The following EEF2 variants were observed in gnomAD, a reference collection of about 807,000 sequenced individuals.
EEF2 encodes elongation factor 2.
A neutral mutation model predicts 85.3 loss-of-function variants in EEF2; 21 were observed. That is an observed-to-expected ratio of 0.25 (90% CI 0.17 to 0.35). The LOEUF (loss-of-function observed/expected upper bound fraction) is 0.35. EEF2 is among the 10% of genes least tolerant of loss of function. The pLI, the probability that EEF2 is intolerant of heterozygous loss-of-function variation, is 1.00. For missense variants in EEF2, 825 were observed against 1,225.3 expected (o/e 0.67, Z 4.88); for synonymous variants, 723 against 508.8 (o/e 1.42, Z -5.67).
chr19:3,980,488 G>A (rs764197249), intron 9 of EEF2, 26 bp downstream of exon 9: 1 of 1,603,328 alleles, frequency 6.2e-7, no homozygotes, highest in Admixed American at 1.7e-5. Flanking sequence ...AGTGCCAAGG[G>A]GCCTGCACAT....
At chr19:3,983,952 T>C (rs1388937538) in intron 2 of EEF2, 184 bp downstream of exon 2, 4 of 654,942 alleles carry the variant, frequency 6.1e-6, no homozygotes, top group East Asian at 5.6e-5. Context: ...CAGCTCGCAG[T>C]ACCCCGAATC....
intron 7 of EEF2, 152 bp downstream of exon 7, chr19:3,981,187 T>C: frequency 9.7e-7 from 1 of 1,031,348 alleles, no homozygotes; most frequent in African/African-American, 1.6e-5. Context: ...GCTGCTGGGA[T>C]GTGTCTCCAG....
Position 3,981,962 on chromosome 19 carries a change from C to T in EEF2, c.882G>A (p.Leu294=). The change falls in exon 6 of 15, where the codon CTG becomes CTA. Residue 294 remains leucine, a synonymous_variant. Transcript: ENST00000309311. ...KLPRTFCQLI[L]DPIFKVFDAI... is the part of the protein sequence containing the mutation. ...CCTCACTCACCTTGAAGATGGGGTC[C>T]AGGATCAGCTGGCAGAAGGTGCGTG... The T allele has an allele frequency of 6.2e-7, 1 of 1,614,076 alleles. No homozygotes were observed. Among genetic ancestry groups the T allele is most frequent in the Non-Finnish European group, 8.5e-7 (1 of 1,179,974 alleles).
At position 3,981,452 on chromosome 19, in the gene EEF2, C is replaced by T; in HGVS notation, c.898G>A (p.Val300Met). 1.2e-6 allele frequency: 2 copies of T among 1,613,010 alleles called. No homozygotes were observed. Among genetic ancestry groups the T allele is most frequent in the Non-Finnish European group, 1.7e-6 (2 of 1,179,324 alleles). Reference sequence around the variant, plus strand: ...TTGAAATTCATGATCGCATCAAACACCTACATTCCCCACCAAGAAACAAGA... The same window carrying T: ...TTGAAATTCATGATCGCATCAAACATCTACATTCCCCACCAAGAAACAAGA... ...CQLILDPIFK[V>M]FDAIMNFKKE... The change falls in exon 7 of 15, where the codon GTG (valine) becomes ATG (methionine). Residue 300 changes from valine (V) to methionine (M), a missense_variant and splice_region_variant. By Grantham distance (21) the Val-to-Met change is conservative. Transcript: ENST00000309311.
At chr19:3,982,459 G>A (rs1437502023) in intron 4 of EEF2, 35 bp from the exon 5 acceptor site, 2 of 1,613,310 alleles carry the variant, frequency 1.2e-6, no homozygotes, top group Non-Finnish European at 1.7e-6. Context: ...AGCCGTGAGG[G>A]CCCCTGCGCA....
At position 3,979,321 on chromosome 19, in the gene EEF2, C is replaced by A. The variant is rs377320364; in HGVS notation, c.1713+8G>T. On this transcript the variant is annotated splice_region_variant and intron_variant, in intron 11 of 14. Transcript: ENST00000309311. Reference sequence around the variant, plus strand: ...GGGCGTGGGGAAGGCTGGTCACTGGCGCCTCACCTTGATGGGGATGCAGGC... The same window carrying A: ...GGGCGTGGGGAAGGCTGGTCACTGGAGCCTCACCTTGATGGGGATGCAGGC... 7.0e-5 allele frequency: 113 copies of A among 1,611,734 alleles called. No homozygotes were observed. In the African/African-American group the frequency reaches 1.1e-3, roughly 16 times the overall value.
chr19:3,981,562 G>A (rs370877840), intron 6 of EEF2, 110 bp from the exon 7 acceptor site: 1 of 1,022,096 alleles, frequency 9.8e-7, no homozygotes, highest in Non-Finnish European at 1.5e-6. Flanking sequence ...CGCAGCACGG[G>A]AGCAGGAGCA....
intron 4 of EEF2, 38 bp downstream of exon 4, chr19:3,982,769 C>G (rs1031257334): frequency 1.9e-6 from 3 of 1,583,032 alleles, no homozygotes; most frequent in Non-Finnish European, 1.7e-6. Context: ...GCAGATCCCG[C>G]TGCGGCAAGC....
At position 3,980,998 on chromosome 19, in the gene EEF2, G is replaced by A. The variant is rs773094157; in HGVS notation, c.1012-19C>T. On this transcript the variant is annotated intron_variant, in intron 7 of 14. Coordinates refer to ENST00000309311, the MANE Select transcript of EEF2 (RefSeq NM_001961.4). The stretch of plus-strand genomic sequence containing the variant: ...TCACAGCCTGCGGGGGCAGAGAGCG[G>A]TGCATGAGACACCTGGGGAGCCCAG... 3.1e-5 allele frequency: 48 copies of A among 1,562,318 alleles called. No homozygotes were observed. The East Asian group carries it at 1.1e-3, about 37-fold the overall frequency.
Position 3,979,319 on chromosome 19 carries a change from GGC to G in EEF2, c.1713+8_1713+9del. 3 of 1,610,512 alleles carry G rather than the reference GGC, an allele frequency of 1.9e-6. No individual in the cohort carries two copies. Among genetic ancestry groups the G allele is most frequent in the Non-Finnish European group, 2.5e-6 (3 of 1,176,932 alleles). ...TGGGGCGTGGGGAAGGCTGGTCACT[GGC>G]GCCTCACCTTGATGGGGATGCAGGC... On this transcript the variant is annotated splice_region_variant and intron_variant, in intron 11 of 14. Transcript: ENST00000309311.
chr19:3,981,197 G>T, intron 7 of EEF2, 142 bp downstream of exon 7: 1 of 1,050,472 alleles, frequency 9.5e-7, no homozygotes, highest in Non-Finnish European at 1.4e-6. Context: ...TGTGTCTCCA[G>T]CAGCACCCAG....
At position 3,980,986 on chromosome 19, in the gene EEF2, G is replaced by C; in HGVS notation, c.1012-7C>G. On this transcript the variant is annotated splice_region_variant and splice_polypyrimidine_tract_variant and intron_variant, in intron 7 of 14. Transcript: ENST00000309311. ...GCCAGCGGCGCATCACAGCCTGCGG[G>C]GGCAGAGAGCGGTGCATGAGACACC... 6.4e-7 allele frequency: 1 copy of C among 1,567,962 alleles called. No individual in the cohort carries two copies. Among genetic ancestry groups the C allele is most frequent in the Non-Finnish European group, 8.6e-7 (1 of 1,158,276 alleles).
chr19:3,985,165 G>A (rs891022086), intron 1 of EEF2: 3 of 473,680 alleles, frequency 6.3e-6, no homozygotes, highest in Non-Finnish European at 1.1e-5. Flanking sequence ...GTCTGGGCAA[G>A]GTTATGGCGC....
chr19:3,978,198 C>CT (rs1475324544), intron 11 of EEF2, 26 bp from the exon 12 acceptor site: 39 of 1,436,506 alleles, frequency 2.7e-5, no homozygotes, highest in Non-Finnish European at 3.6e-5. Context: ...AAGTCCCACT[C>CT]TTGCCTGGAG....
At position 3,984,455 on chromosome 19, in the gene EEF2, G is replaced by A. The variant is rs8100131; in HGVS notation, c.4-105C>T. 0.1 allele frequency: 130,244 copies of A among 1,281,612 alleles called. 7,572 individuals are homozygous for A. Among genetic ancestry groups the A allele is most frequent in the African/African-American group, 0.2 (13,513 of 68,724 alleles). The allele number at this position is 1,281,612 out of a possible 1,614,324, so 79.4% of individuals were successfully genotyped here. A position where few individuals can be genotyped will look rare whatever the true frequency, so the allele number is the denominator to read the frequency against. On this transcript the variant is annotated intron_variant, in intron 1 of 14. Transcript: ENST00000309311. ...CCAGCATGCCCAAGGCCAGGAGGGG[G>A]TTGGTGCTGGGGTGCCCCAAGCCCA... is the stretch of plus-strand genomic sequence containing the variant.
chr19:3,983,376 TCCTC>T (rs2145366159), intron 2 of EEF2, 85 bp from the exon 3 acceptor site: 3 of 1,433,570 alleles, frequency 2.1e-6, no homozygotes, highest in East Asian at 4.9e-5. Flanking sequence ...GCCAGGCTGC[TCCTC>T]CCTCCATGAC....
Position 3,983,096 on chromosome 19 carries a change from G to A in EEF2, c.400+14C>T, listed in dbSNP as rs752538054. ...CCGGTTCCAGGCCGTGCCTCAGGGG[G>A]ACCCACTGCTTACCTGACACGCAGT... is the stretch of plus-strand genomic sequence containing the variant. On this transcript the variant is annotated intron_variant, in intron 3 of 14. Coordinates refer to ENST00000309311, the MANE Select transcript of EEF2 (RefSeq NM_001961.4). The A allele has an allele frequency of 2.5e-6, 4 of 1,612,714 alleles. No homozygotes were observed. The highest frequency in any genetic ancestry group is 2.2e-5 in the East Asian group (1 of 44,854).
rs1449257740 is a variant in EEF2, at chr19:3,977,794, C to G, written c.2067+25G>C. On this transcript the variant is annotated intron_variant, in intron 12 of 14. Transcript: ENST00000309311. The surrounding 1 kb of genome is among the most constrained non-coding windows in gnomAD (Gnocchi z 5.4). The stretch of plus-strand genomic sequence containing the variant: ...TCTAGAGCCTGGAAACGGGTGTGGT[C>G]TGCACATGCTGAGCCGTGCCTCACC... 1.9e-6 allele frequency: 3 copies of G among 1,555,750 alleles called. No individual in the cohort carries two copies. The African/African-American group carries it at 4.1e-5, about 21-fold the overall frequency.
chr19:3,980,670 T>C lies in EEF2; in HGVS notation c.1190A>G (p.Tyr397Cys). 1 of 1,614,140 alleles carries C rather than the reference T, an allele frequency of 6.2e-7. No individual in the cohort carries two copies. ...GGAGGTTGGCACCATTTTGGAAATA[T>C]ACATCATAAGAGGGCCTTTGGGGTC... ...SCDPKGPLMM[Y>C]ISKMVPTSDK... The change falls in exon 9 of 15, where the codon TAT becomes TGT. Residue 397 changes from tyrosine (Y) to cysteine (C), a missense_variant. By Grantham distance (194) the Tyr-to-Cys change is radical. Coordinates refer to ENST00000309311, the MANE Select transcript of EEF2 (RefSeq NM_001961.4).
Sources: allele counts gnomAD v4.1 joint callset, GRCh38; gene constraint gnomAD v4.1.1; non-coding constraint Gnocchi (gnomAD v3.1); transcripts MANE v1.5; gene names NCBI Gene and HGNC (gene_info 2026-07-23, HGNC 2026-07-21).